SLC38A4: variants seen among roughly 807,000 people sequenced by gnomAD.
The protein encoded by SLC38A4 is sodium-coupled neutral amino acid transporter 4.
SLC38A4 carries 20 observed loss-of-function variants against 63.1 expected under a neutral mutation model. The observed-to-expected ratio is 0.32, with a 90% CI of 0.22 to 0.46. The LOEUF is 0.46. Ranked by LOEUF, SLC38A4 falls within the 20% of genes least tolerant of loss-of-function variation. SLC38A4 has a pLI of 1.00. For synonymous variants in SLC38A4, 230 were observed against 225.5 expected (o/e 1.02, Z -0.18); for missense variants, 526 against 663.6 (o/e 0.79, Z 2.28).
At chr12:46,822,585 A>G (rs1026516586) in intron 1 of SLC38A4, among the ~76,000 whole-genome samples, 9 of 152,188 alleles carry the variant, frequency 5.9e-5, no homozygotes, top group African/African-American at 1.7e-4. Flanking sequence ...TATGTTGAAC[A>G]TGATTCAAAA....
chr12:46,787,899 C>A lies in SLC38A4; in HGVS notation c.326+17G>T. ...CATGGACTTCATCACCAAATGTAGA[C>A]ATATACATTCACTTACATAAAAAGT... On this transcript the variant is annotated intron_variant, in intron 5 of 16. Coordinates refer to ENST00000266579, the MANE Select transcript of SLC38A4 (RefSeq NM_018018.5). 6.5e-7 allele frequency: 1 copy of A among 1,545,516 alleles called. No homozygotes were observed.
chr12:46,782,059 A>G (rs1188875334), intron 7 of SLC38A4, among the ~76,000 whole-genome samples: 1 of 152,064 alleles, frequency 6.6e-6, no homozygotes, highest in East Asian at 1.9e-4. Context: ...ATTCTACCCA[A>G]GATTGTAGTC....
chr12:46,797,097 T>C (rs1479163434), intron 2 of SLC38A4, among the ~76,000 whole-genome samples: 1 of 152,186 alleles, frequency 6.6e-6, no homozygotes, highest in Non-Finnish European at 1.5e-5. Flanking sequence ...ATTTCATTGC[T>C]TGACTTCCTT....
chr12:46,793,494 C>A (rs1029183696), intron 2 of SLC38A4, among the ~76,000 whole-genome samples: 1 of 152,054 alleles, frequency 6.6e-6, no homozygotes, highest in Non-Finnish European at 1.5e-5. Context: ...CAGCAGTCTT[C>A]AAGGAAATTT....
intron 5 of SLC38A4, among the ~76,000 whole-genome samples, chr12:46,786,284 A>G (rs1401580921): frequency 6.6e-6 from 1 of 152,100 alleles, no homozygotes; most frequent in Admixed American, 6.6e-5. Flanking sequence ...CTAAGAGTAA[A>G]ACCTTTAAAA....
intron 7 of SLC38A4, among the ~76,000 whole-genome samples, chr12:46,781,393 G>A (rs951920905): frequency 6.6e-6 from 1 of 152,006 alleles, no homozygotes; most frequent in Non-Finnish European, 1.5e-5. Flanking sequence ...AGATATTTCT[G>A]ATTAGCTGGC....
At chr12:46,766,878 T>G (rs1285571897) in intron 16 of SLC38A4, 76 bp from the exon 17 acceptor site, 6 of 942,222 alleles carry the variant, frequency 6.4e-6, no homozygotes, top group Non-Finnish European at 8.3e-6. Flanking sequence ...GTTTACATAA[T>G]ATGGCAATCT....
intron 1 of SLC38A4, among the ~76,000 whole-genome samples, chr12:46,805,155 T>C (rs1939206213): frequency 6.6e-6 from 1 of 151,978 alleles, no homozygotes; most frequent in South Asian, 2.1e-4. Flanking sequence ...AGTTTTACTC[T>C]TCCTAAAATT....
chr12:46,817,251 A>G (rs1267238535), intron 1 of SLC38A4, among the ~76,000 whole-genome samples: 1 of 151,928 alleles, frequency 6.6e-6, no homozygotes, highest in African/African-American at 2.4e-5. Flanking sequence ...CAGCAAACTC[A>G]TACGACTTTG....
chr12:46,785,743 T>C lies in SLC38A4; in HGVS notation c.327-566A>G, dbSNP rs1292107649. 9.0e-5 allele frequency among the ~76,000 whole-genome samples: 12 copies of C among 132,952 alleles called. No individual in the cohort carries two copies. In the East Asian group the frequency reaches 1.5e-3, roughly 16 times the overall value. 87.2% of individuals were successfully genotyped at this position (132,952 alleles called of 152,430 possible). A position where few individuals can be genotyped will look rare whatever the true frequency, so the allele number is the denominator to read the frequency against. On this transcript the variant is annotated intron_variant, in intron 5 of 16. Transcript: ENST00000266579. ...AGGATGGGGCACGAAAATTCCTTTT[T>C]TTTTTTTTTTTTTTTTTTTGCATTC...
At chr12:46,817,812 T>C (rs1353903370) in intron 1 of SLC38A4, among the ~76,000 whole-genome samples, 1 of 151,932 alleles carries the variant, frequency 6.6e-6, no homozygotes, top group South Asian at 2.1e-4. Flanking sequence ...TTGAAGCAAA[T>C]TCATACTATG....
chr12:46,807,110 A>G (rs375533651), intron 1 of SLC38A4, among the ~76,000 whole-genome samples: 1 of 152,030 alleles, frequency 6.6e-6, no homozygotes, highest in Non-Finnish European at 1.5e-5. Context: ...AGGACGAAAT[A>G]ATATTTGAAA....
chr12:46,804,323 TA>T (rs201866743), intron 1 of SLC38A4, among the ~76,000 whole-genome samples: 25 of 149,198 alleles, frequency 1.7e-4, no homozygotes, highest in East Asian at 3.9e-4. Context: ...TTTTCTGCAT[TA>T]AAAAAAAAAT....
chr12:46,768,819 A>AAG (rs1938351492), intron 15 of SLC38A4, among the ~76,000 whole-genome samples: 1 of 152,094 alleles, frequency 6.6e-6, no homozygotes, highest in South Asian at 2.1e-4. Context: ...CAATGAGTAG[A>AAG]ATGAAAATTA....
At chr12:46,797,375 C>A (rs998341009) in intron 2 of SLC38A4, among the ~76,000 whole-genome samples, 1 of 152,112 alleles carries the variant, frequency 6.6e-6, no homozygotes, top group African/African-American at 2.4e-5. Flanking sequence ...AGAGGAAGGG[C>A]AAATTTACTG....
At chr12:46,775,425 T>C (rs1938502738) in intron 13 of SLC38A4, among the ~76,000 whole-genome samples, 1 of 152,070 alleles carries the variant, frequency 6.6e-6, no homozygotes, top group Non-Finnish European at 1.5e-5. Flanking sequence ...ATTTACATTG[T>C]GATAAATCTA....
intron 1 of SLC38A4, among the ~76,000 whole-genome samples, chr12:46,810,374 C>T (rs1008371865): frequency 4.0e-5 from 6 of 151,716 alleles, no homozygotes; most frequent in African/African-American, 1.5e-4. Context: ...GAACATCACA[C>T]ACCGGGGCTG....
At position 46,771,074 on chromosome 12, in the gene SLC38A4, A is replaced by G. The variant is rs1020724271; in HGVS notation, c.1300-1646T>C. Among the ~76,000 whole-genome samples, 6 of 152,146 alleles carry G rather than the reference A, an allele frequency of 3.9e-5. No homozygotes were observed. The East Asian group carries it at 1.2e-3, about 29-fold the overall frequency. ...ACCAGATAGTCTCTGGAAATAGTTT[A>G]AGAATAACTTTGTAAAGGATTTTAA... On this transcript the variant is annotated intron_variant, in intron 14 of 16. Transcript: ENST00000266579.
At chr12:46,784,381 C>T (rs935254368) in intron 7 of SLC38A4, among the ~76,000 whole-genome samples, 161 bp downstream of exon 7, 12 of 151,970 alleles carry the variant, frequency 7.9e-5, no homozygotes, top group African/African-American at 2.2e-4. Context: ...TTAATTAAAG[C>T]AGGACACAAA....
Sources: allele counts gnomAD v4.1 joint callset (sites outside exome capture counted in the v4.1 genomes callset), GRCh38; gene constraint gnomAD v4.1.1; transcripts MANE v1.5; gene names NCBI Gene and HGNC (gene_info 2026-07-23, HGNC 2026-07-21).